FCRL4: variants seen among roughly 807,000 people sequenced by gnomAD.
The protein encoded by FCRL4 is Fc receptor-like protein 4.
FCRL4 carries 43 observed loss-of-function variants against 64.1 expected under a neutral mutation model. That is an observed-to-expected ratio of 0.67 (90% CI 0.53 to 0.87). The LOEUF is 0.87. Ranked by LOEUF, FCRL4 falls within the 40% of genes least tolerant of loss-of-function variation. The pLI is 0.00. For synonymous variants in FCRL4, 253 were observed against 239.8 expected (o/e 1.05, Z -0.51); for missense variants, 656 against 613.5 (o/e 1.07, Z -0.73).
Position 157,580,154 on chromosome 1 carries a change from G to A in FCRL4, c.1277+167C>T, listed in dbSNP as rs555386566. Among the ~76,000 whole-genome samples the A allele has an allele frequency of 2.0e-5, 3 of 152,266 alleles. No homozygotes were observed. In the South Asian group the frequency reaches 6.2e-4, roughly 32 times the overall value. ...TGTATTGCAAACTATTAGCTGACAAGCAAAGTTCTAGGAAGCTTCATTTTT... is the reference window on the plus strand; with the variant it reads ...TGTATTGCAAACTATTAGCTGACAAACAAAGTTCTAGGAAGCTTCATTTTT... On this transcript the variant is annotated intron_variant, in intron 8 of 11. Transcript: ENST00000271532.
intron 3 of FCRL4, among the ~76,000 whole-genome samples, chr1:157,588,493 G>T (rs1157953123): frequency 2.6e-5 from 4 of 152,240 alleles, no homozygotes; most frequent in African/African-American, 9.6e-5. Context: ...ACTACATGAG[G>T]ATCTCTTCCT....
In FCRL4 at chr1:157,588,047, C is replaced by T. The variant is rs368360569; in HGVS notation, c.380G>A (p.Arg127Lys). 1 of 1,613,448 alleles carries T rather than the reference C, an allele frequency of 6.2e-7. No individual in the cohort carries two copies. The highest frequency in any genetic ancestry group is 8.5e-7 in the Non-Finnish European group (1 of 1,179,758). ...TTTCACAGCAGTCAATTTCTCTTTC[C>T]TTCTTCTGTGGCATCTCAGAACCAA... The part of the protein sequence containing the change: ...DTLVLRCHRR[R>K]KEKLTAVKYT... Residue 127 changes from arginine to lysine, a missense_variant, in exon 4 of 12, where the codon AGG becomes AAG. Coordinates refer to ENST00000271532, the MANE Select transcript of FCRL4 (RefSeq NM_031282.3).
intron 5 of FCRL4, 31 bp from the exon 6 acceptor site, chr1:157,586,486 C>A (rs776855574): frequency 6.3e-7 from 1 of 1,577,856 alleles, no homozygotes; most frequent in South Asian, 1.1e-5. Flanking sequence ...AGGTGGGGGT[C>A]GGGTGTGAAG....
intron 6 of FCRL4, among the ~76,000 whole-genome samples, chr1:157,584,564 A>G (rs1447174472): frequency 1.3e-5 from 2 of 152,066 alleles, no homozygotes; most frequent in East Asian, 1.9e-4. Flanking sequence ...TTGAAATGAC[A>G]TTAGCTCAGT....
At chr1:157,577,725 C>T (rs565318402) in intron 10 of FCRL4, among the ~76,000 whole-genome samples, 1 of 152,266 alleles carries the variant, frequency 6.6e-6, no homozygotes, top group East Asian at 1.9e-4. Context: ...AGAGAGTTCT[C>T]CTCAGGTCTT....
At chr1:157,581,879 T>G (rs1440397259) in intron 6 of FCRL4, among the ~76,000 whole-genome samples, 1 of 152,190 alleles carries the variant, frequency 6.6e-6, no homozygotes, top group East Asian at 1.9e-4. Context: ...TTTTAGAAAC[T>G]AACAATTTAG....
Position 157,586,440 on chromosome 1 carries a change from C to A in FCRL4, c.863G>T (p.Gly288Val). The change falls in exon 6 of 12, where the codon GGG becomes GTG. Residue 288 changes from glycine to valine, a missense_variant. Coordinates refer to ENST00000271532, the MANE Select transcript of FCRL4 (RefSeq NM_031282.3). Reference protein sequence around the residue: ...QIHVQRIPVSGVLLETQPSGG... With the variant: ...QIHVQRIPVSVVLLETQPSGG... ...TGAGGGCTGGGTCTCCAGGAGCACC[C>A]CAGACACAGGGATCCCTATGTGAAA... 1 of 1,608,704 alleles carries A rather than the reference C, an allele frequency of 6.2e-7. No individual in the cohort carries two copies. Among genetic ancestry groups the A allele is most frequent in the Non-Finnish European group, 8.5e-7 (1 of 1,178,704 alleles).
Position 157,585,352 on chromosome 1 carries a change from T to C in FCRL4, c.1135+816A>G, listed in dbSNP as rs549777225. Among the ~76,000 whole-genome samples the C allele has an allele frequency of 5.2e-3, 236 of 44,986 alleles. 3 individuals carry two copies. The South Asian group carries it at 0.092, about 18-fold the overall frequency. The allele number at this position is 44,986 out of a possible 152,430, so 29.5% of individuals were successfully genotyped here. A position where few individuals can be genotyped will look rare whatever the true frequency, so the allele number is the denominator to read the frequency against. On this transcript the variant is annotated intron_variant, in intron 6 of 11. Transcript: ENST00000271532. Reference sequence around the variant, plus strand: ...TCTCTTTCTTTCTCTCTCTCTTTCTTTCTTTCTTTCTTTCTTTCTTTCTTT... The same window carrying C: ...TCTCTTTCTTTCTCTCTCTCTTTCTCTCTTTCTTTCTTTCTTTCTTTCTTT...
rs116080873 is a variant in FCRL4, at chr1:157,595,782, G to A, written c.52+546C>T. 8.1e-3 allele frequency among the ~76,000 whole-genome samples: 1,232 copies of A among 152,320 alleles called. 10 individuals are homozygous for A. The highest frequency in any genetic ancestry group is 0.028 in the African/African-American group (1,181 of 41,570). The stretch of plus-strand genomic sequence containing the variant: ...GCTCCTAGGGTGCTCTATAGGAATG[G>A]CCAAAACACCTGTGAGGCAGCTGCC... On this transcript the variant is annotated intron_variant, in intron 2 of 11. Coordinates refer to ENST00000271532, the MANE Select transcript of FCRL4 (RefSeq NM_031282.3).
chr1:157,578,589 T>A (rs1180592349), intron 9 of FCRL4, 47 bp from the exon 10 acceptor site: 1 of 1,495,208 alleles, frequency 6.7e-7, no homozygotes, highest in Non-Finnish European at 9.3e-7. Context: ...AGTATTAAAG[T>A]GCTACAGATG....
chr1:157,582,315 T>A (rs1277325669), intron 6 of FCRL4, among the ~76,000 whole-genome samples: 1 of 152,356 alleles, frequency 6.6e-6, no homozygotes, highest in South Asian at 2.1e-4. Flanking sequence ...TGCCCTGTGC[T>A]GGGCATTGAC....
intron 2 of FCRL4, among the ~76,000 whole-genome samples, chr1:157,590,518 CTT>C (rs143709985): frequency 0.043 from 5,675 of 132,260 alleles, 275 homozygotes; most frequent in African/African-American, 0.12. Context: ...GTTAGTCTGT[CTT>C]TTTTTTTTTT....
intron 2 of FCRL4, among the ~76,000 whole-genome samples, chr1:157,590,252 G>A (rs1455120148): frequency 3.3e-5 from 5 of 152,040 alleles, no homozygotes. Flanking sequence ...GGAACAGAAG[G>A]GTTTTAGAGT....
Position 157,592,395 on chromosome 1 carries a change from GA to G in FCRL4, c.53-2938del, listed in dbSNP as rs920046094. Reference sequence around the variant, plus strand: ...ATCTACAAAGAACTTAAATTTACAAGAAAAAAAAACCCATCAAAAAGTGGGC... The same window carrying G: ...ATCTACAAAGAACTTAAATTTACAAGAAAAAAAACCCATCAAAAAGTGGGC... On this transcript the variant is annotated intron_variant, in intron 2 of 11. Transcript: ENST00000271532. Among the ~76,000 whole-genome samples the G allele has an allele frequency of 5.4e-4, 81 of 149,622 alleles. 1 individual carries two copies. The highest frequency in any genetic ancestry group is 1.7e-3 in the African/African-American group (70 of 40,768).
intron 1 of FCRL4, among the ~76,000 whole-genome samples, chr1:157,597,638 T>C (rs1571147734): frequency 6.6e-6 from 1 of 152,218 alleles, no homozygotes; most frequent in East Asian, 1.9e-4. Context: ...AACCTAGCCA[T>C]AGGTTTCTTT....
chr1:157,578,747 GCTTC>G lies in FCRL4; in HGVS notation c.1360+19_1360+22del. 1.2e-6 allele frequency: 2 copies of G among 1,608,176 alleles called. No individual in the cohort carries two copies. Among genetic ancestry groups the G allele is most frequent in the Non-Finnish European group, 1.7e-6 (2 of 1,174,832 alleles). On this transcript the variant is annotated intron_variant, in intron 9 of 11. Coordinates refer to ENST00000271532, the MANE Select transcript of FCRL4 (RefSeq NM_031282.3). ...CTTTCCATGGCTGAGGCCAGGAACAGCTTCCTAGAAGGGAATCCTCACCATCAAC... is the reference window on the plus strand; with the variant it reads ...CTTTCCATGGCTGAGGCCAGGAACAGCTAGAAGGGAATCCTCACCATCAAC...
Position 157,581,565 on chromosome 1 carries a change from G to A in FCRL4, c.1215C>T (p.Ala405=). The A allele has an allele frequency of 1.9e-6, 3 of 1,614,032 alleles. No individual in the cohort carries two copies. Among genetic ancestry groups the A allele is most frequent in the Non-Finnish European group, 2.5e-6 (3 of 1,179,984 alleles). Residue 405 remains alanine, a synonymous_variant, in exon 7 of 12, where the codon GCC becomes GCT. Coordinates refer to ENST00000271532, the MANE Select transcript of FCRL4 (RefSeq NM_031282.3). ...GLLSALLLAV[A]LLFHCWRRRK... ...TCCGACGCCAGCAGTGAAACAGCAG[G>A]GCCACAGCCAGGAGAAGAGCACTGA...
intron 5 of FCRL4, 71 bp downstream of exon 5, chr1:157,587,205 A>G: frequency 1.3e-6 from 2 of 1,548,560 alleles, no homozygotes; most frequent in South Asian, 1.2e-5. Context: ...TCTCTGCTAC[A>G]TAGTCCCCAT....
intron 2 of FCRL4, among the ~76,000 whole-genome samples, chr1:157,591,646 G>T (rs916822559): frequency 6.6e-6 from 1 of 152,064 alleles, no homozygotes; most frequent in Non-Finnish European, 1.5e-5. Context: ...GACCTCAAAG[G>T]CACTCTCTTG....
Sources: gnomAD v4.1 joint callset for allele counts (sites outside exome capture counted in the v4.1 genomes callset) on GRCh38, gnomAD v4.1.1 for gene constraint, MANE v1.5 for transcripts, NCBI Gene and HGNC (gene_info 2026-07-23, HGNC 2026-07-21) for gene names.